SLC8A3: variants seen among roughly 807,000 people sequenced by gnomAD.
SLC8A3 encodes the protein solute carrier family 8 member A3.
SLC8A3 carries 37 observed loss-of-function variants against 65.4 expected under a neutral mutation model. The observed-to-expected ratio is 0.57, with a 90% CI of 0.44 to 0.74. The LOEUF (loss-of-function observed/expected upper bound fraction) is 0.74. Among genes scored for constraint, SLC8A3 ranks in the 30% least tolerant of loss-of-function variants. SLC8A3 has a pLI of 0.00. For missense variants in SLC8A3, 1,112 were observed against 1,172.1 expected, an observed-to-expected ratio of 0.95 and a Z score of 0.75; for synonymous variants, 461 against 444.5, an observed-to-expected ratio of 1.04 and a Z score of -0.47.
At chr14:70,152,264 C>G (rs1419014257) in intron 2 of SLC8A3, among the ~76,000 whole-genome samples, 1 of 152,082 alleles carries the variant, frequency 6.6e-6, no homozygotes, top group East Asian at 1.9e-4. Context: ...GGCAACTTCC[C>G]CCAAAACTCA....
Position 70,167,433 on chromosome 14 carries a change from C to T in SLC8A3, c.990G>A (p.Lys330=). The change falls in exon 2 of 7, where the codon AAG becomes AAA. Residue 330 remains lysine (K), a synonymous_variant. Transcript: ENST00000356921. Reference sequence around the variant, plus strand: ...CCATCTCCACCAGCTGATCTAAGTCCTTCTCTGGGTGTTTTTGCTTCAGAT... The same window carrying T: ...CCATCTCCACCAGCTGATCTAAGTCTTTCTCTGGGTGTTTTTGCTTCAGAT... ...LKDLKQKHPE[K]DLDQLVEMAN... is the part of the protein sequence containing the mutation. The T allele has an allele frequency of 1.9e-6, 3 of 1,614,094 alleles. No individual in the cohort carries two copies. The South Asian group carries it at 3.3e-5, about 18-fold the overall frequency.
intron 2 of SLC8A3, among the ~76,000 whole-genome samples, chr14:70,080,783 C>T (rs986080559): frequency 2.1e-4 from 32 of 152,194 alleles, no homozygotes; most frequent in Non-Finnish European, 3.4e-4. Context: ...TGAATGCCTA[C>T]ATGGTAGGCT....
chr14:70,186,612 T>C (rs1192210989), intron 1 of SLC8A3, among the ~76,000 whole-genome samples: 1 of 152,224 alleles, frequency 6.6e-6, no homozygotes, highest in Non-Finnish European at 1.5e-5. Context: ...CTCAACCCAG[T>C]ATCTACATTT....
chr14:70,093,199 G>A (rs1471190378), intron 2 of SLC8A3, among the ~76,000 whole-genome samples: 3 of 152,222 alleles, frequency 2.0e-5, no homozygotes, highest in African/African-American at 4.8e-5. Context: ...CCATGCTGCA[G>A]AAGTGTTGGC....
intron 1 of SLC8A3, among the ~76,000 whole-genome samples, chr14:70,183,295 T>C (rs1882915014): frequency 6.6e-6 from 1 of 152,242 alleles, no homozygotes; most frequent in African/African-American, 2.4e-5. Context: ...GTATGCCATA[T>C]CCAAGTACCC....
intron 2 of SLC8A3, among the ~76,000 whole-genome samples, chr14:70,078,288 A>G (rs982403944): frequency 6.6e-5 from 10 of 152,210 alleles, no homozygotes; most frequent in Admixed American, 6.5e-5. Flanking sequence ...ACTTTCCCAG[A>G]TCTTGCCCAT....
At chr14:70,094,053 G>A (rs1324325736) in intron 2 of SLC8A3, among the ~76,000 whole-genome samples, 3 of 152,222 alleles carry the variant, frequency 2.0e-5, no homozygotes, top group Admixed American at 6.5e-5. Context: ...GTGGCCAGGG[G>A]AGCCCCATCT....
At chr14:70,180,316 T>G (rs879878313) in intron 1 of SLC8A3, among the ~76,000 whole-genome samples, 4 of 152,252 alleles carry the variant, frequency 2.6e-5, no homozygotes, top group Non-Finnish European at 4.4e-5. Flanking sequence ...ATTGCCTGAT[T>G]GAAGAACAAA....
chr14:70,151,223 C>T (rs1380609574), intron 2 of SLC8A3, among the ~76,000 whole-genome samples: 1 of 150,076 alleles, frequency 6.7e-6, no homozygotes, highest in African/African-American at 2.5e-5. Context: ...CACTGCACTC[C>T]AGCCCAGGCG....
At chr14:70,142,497 A>G (rs928021361) in intron 2 of SLC8A3, among the ~76,000 whole-genome samples, 34 of 152,246 alleles carry the variant, frequency 2.2e-4, no homozygotes, top group Non-Finnish European at 2.6e-4. Context: ...GGAGTGTAAG[A>G]CTGCATTCTT....
Position 70,120,938 on chromosome 14 carries a change from T to A in SLC8A3, c.1784+45701A>T, listed in dbSNP as rs937031282. On this transcript the variant is annotated intron_variant, in intron 2 of 6. Transcript: ENST00000356921. ...GAGTTTTAGTGCAGTTTTCTCTGTC[T>A]ATACGGCCATTTCTAGGCATCTTCC... 8.5e-4 allele frequency among the ~76,000 whole-genome samples: 130 copies of A among 152,284 alleles called. 1 individual carries two copies. The highest frequency in any genetic ancestry group is 3.0e-3 in the African/African-American group (123 of 41,550).
chr14:70,058,658 T>A lies in SLC8A3; in HGVS notation c.1888+2178A>T, dbSNP rs148459060. ...CCAAAGACATTTGCATTTGGTTAGG[T>A]CTCTTGAAGACTTATCTTGGGTCAC... On this transcript the variant is annotated intron_variant, in intron 3 of 6. Coordinates refer to ENST00000356921, the MANE Select transcript of SLC8A3 (RefSeq NM_182932.3). 8.7e-3 allele frequency among the ~76,000 whole-genome samples: 1,332 copies of A among 152,280 alleles called. 20 individuals carry two copies. The highest frequency in any genetic ancestry group is 0.03 in the African/African-American group (1,245 of 41,544).
At chr14:70,131,900 G>T (rs528502815) in intron 2 of SLC8A3, among the ~76,000 whole-genome samples, 2 of 152,176 alleles carry the variant, frequency 1.3e-5, no homozygotes, top group East Asian at 3.9e-4. Flanking sequence ...GAAGGAAGTG[G>T]AGGTGGGTCA....
At chr14:70,145,442 AG>A (rs1264365434) in intron 2 of SLC8A3, among the ~76,000 whole-genome samples, 1 of 152,228 alleles carries the variant, frequency 6.6e-6, no homozygotes, top group African/African-American at 2.4e-5. Flanking sequence ...GTGGCAACTA[AG>A]TGTAATCTCT....
At chr14:70,073,321 A>G (rs1890180827) in intron 2 of SLC8A3, among the ~76,000 whole-genome samples, 1 of 152,138 alleles carries the variant, frequency 6.6e-6, no homozygotes, top group African/African-American at 2.4e-5. Context: ...CCTCCATATC[A>G]GTGGGTCTGT....
intron 2 of SLC8A3, among the ~76,000 whole-genome samples, chr14:70,070,009 G>A (rs1465991212): frequency 2.0e-5 from 3 of 152,192 alleles, no homozygotes; most frequent in African/African-American, 7.2e-5. Flanking sequence ...CCCAGGGAAA[G>A]AGGAGAAGCG....
In SLC8A3 at chr14:70,048,870, G is replaced by A; in HGVS notation, c.2286C>T (p.Leu762=). Residue 762 remains leucine (L), a synonymous_variant, in exon 6 of 7, where the codon CTC becomes CTT. Coordinates refer to ENST00000356921, the MANE Select transcript of SLC8A3 (RefSeq NM_182932.3). ...AGGCCAGGTCCCCAATGATGGCGGT[G>A]AGCATGCCAATGATGAGGATGGAGA... ...FAVSILIIGM[L]TAIIGDLASH... 1 of 1,614,164 alleles carries A rather than the reference G, an allele frequency of 6.2e-7. No homozygotes were observed. Among genetic ancestry groups the A allele is most frequent in the Non-Finnish European group, 8.5e-7 (1 of 1,179,998 alleles).
chr14:70,107,418 G>A (rs938426976), intron 2 of SLC8A3, among the ~76,000 whole-genome samples: 1 of 152,226 alleles, frequency 6.6e-6, no homozygotes. Context: ...TGCAATTGTA[G>A]ACATGCATCT....
intron 2 of SLC8A3, among the ~76,000 whole-genome samples, chr14:70,073,715 A>G (rs1890217666): frequency 1.3e-5 from 2 of 152,106 alleles, no homozygotes; most frequent in African/African-American, 4.8e-5. Flanking sequence ...ATTTTGAGAG[A>G]ACAAATTTGA....
Sources: gnomAD v4.1 joint callset for allele counts (sites outside exome capture counted in the v4.1 genomes callset) on GRCh38, gnomAD v4.1.1 for gene constraint, MANE v1.5 for transcripts, NCBI Gene and HGNC (gene_info 2026-07-23, HGNC 2026-07-21) for gene names.